The following RELN variants were observed in gnomAD, a reference collection of about 807,000 sequenced individuals.
The protein encoded by RELN is reelin.
Under a neutral mutation model 427.6 loss-of-function variants are expected in RELN, and 108 were observed. The observed-to-expected ratio is 0.25, with a 90% CI of 0.22 to 0.30. The LOEUF is 0.30. Among genes scored for constraint, RELN ranks in the 10% least tolerant of loss-of-function variants. RELN has a pLI of 1.00. For missense variants in RELN, 3,715 were observed against 4,302.8 expected, an observed-to-expected ratio of 0.86 and a Z score of 3.82; for synonymous variants, 1,524 against 1,513.4, an observed-to-expected ratio of 1.01 and a Z score of -0.16.
rs1554434458 is a variant in RELN, at chr7:103,872,030, A to ATTTT, written c.338-38362_338-38359dup. On this transcript the variant is annotated intron_variant, in intron 2 of 64. Coordinates refer to ENST00000428762, the MANE Select transcript of RELN (RefSeq NM_005045.4). ...AGTATATGAATATATATATATATAT[A>ATTTT]TTTTTCTTTTTTCTTTTTTTTCTTT... is the stretch of plus-strand genomic sequence containing the variant. 3.5e-3 allele frequency among the ~76,000 whole-genome samples: 490 copies of ATTTT among 138,446 alleles called. 2 individuals are homozygous for ATTTT. The highest frequency in any genetic ancestry group is 0.011 in the African/African-American group (431 of 37,624). The allele number at this position is 138,446 out of a possible 152,430, so 90.8% of individuals were successfully genotyped here.
intron 1 of RELN, among the ~76,000 whole-genome samples, chr7:103,934,259 T>A (rs893172352): frequency 6.6e-6 from 1 of 152,202 alleles, no homozygotes; most frequent in African/African-American, 2.4e-5. Flanking sequence ...GTGTCCTCTG[T>A]AAAATCTCTT....
At chr7:103,497,727 G>A in intron 55 of RELN, 93 bp downstream of exon 55, 2 of 1,010,346 alleles carry the variant, frequency 2.0e-6, no homozygotes, top group Non-Finnish European at 3.1e-6. Context: ...TTCAAACTGT[G>A]AAGTCAGCAA....
chr7:103,776,285 C>T (rs1791740559), intron 4 of RELN, among the ~76,000 whole-genome samples: 1 of 152,114 alleles, frequency 6.6e-6, no homozygotes, highest in African/African-American at 2.4e-5. Context: ...AAAATTACTA[C>T]TAAGATTTGT....
In RELN at chr7:103,948,801, C is replaced by T. The variant is rs190452160; in HGVS notation, c.227-31616G>A. On this transcript the variant is annotated intron_variant, in intron 1 of 64. Coordinates refer to ENST00000428762, the MANE Select transcript of RELN (RefSeq NM_005045.4). Reference sequence around the variant, plus strand: ...GGCCTGGGTGGGCAGATCACTTAAGCCCAGGAATTTGAGACCAGCCTGGGC... The same window carrying T: ...GGCCTGGGTGGGCAGATCACTTAAGTCCAGGAATTTGAGACCAGCCTGGGC... Among the ~76,000 whole-genome samples, 494 of 151,904 alleles carry T rather than the reference C, an allele frequency of 3.3e-3. 4 individuals carry two copies. The highest frequency in any genetic ancestry group is 6.0e-3 in the Non-Finnish European group (410 of 67,960).
chr7:103,944,501 G>C (rs370309725), intron 1 of RELN, among the ~76,000 whole-genome samples: 4 of 152,186 alleles, frequency 2.6e-5, no homozygotes, highest in Admixed American at 2.0e-4. Context: ...ATTGGATTAC[G>C]TCAGGACCAT....
At chr7:103,642,397 G>A (rs1832713025) in intron 16 of RELN, among the ~76,000 whole-genome samples, 1 of 132,490 alleles carries the variant, frequency 7.5e-6, no homozygotes. Context: ...CTCTTGGGAA[G>A]GAGTATGTGT....
chr7:103,582,646 G>A (rs916071119), intron 28 of RELN, among the ~76,000 whole-genome samples: 1 of 152,088 alleles, frequency 6.6e-6, no homozygotes, highest in South Asian at 2.1e-4. Flanking sequence ...ATTTTTTGAG[G>A]TATGCACATC....
At position 103,515,531 on chromosome 7, in the gene RELN, T is replaced by C. The variant is rs1037858032; in HGVS notation, c.7863-90A>G. On this transcript the variant is annotated intron_variant, in intron 49 of 64. Coordinates refer to ENST00000428762, the MANE Select transcript of RELN (RefSeq NM_005045.4). ...AGATTTACAACCAGCCATAAGATAA[T>C]GTATGTCACATGGTGGGTGAGGGAA... 2.7e-6 allele frequency: 4 copies of C among 1,504,758 alleles called. No individual in the cohort carries two copies. In the African/African-American group the frequency reaches 4.1e-5, roughly 16 times the overall value. 93.2% of individuals were successfully genotyped at this position (1,504,758 alleles called of 1,614,324 possible).
chr7:103,497,125 T>C (rs1828866112), intron 55 of RELN, among the ~76,000 whole-genome samples: 1 of 152,250 alleles, frequency 6.6e-6, no homozygotes, highest in African/African-American at 2.4e-5. Context: ...AAATAGTTAT[T>C]GTAATTTTAT....
At chr7:103,678,245 A>C (rs1041369946) in intron 11 of RELN, among the ~76,000 whole-genome samples, 3 of 152,168 alleles carry the variant, frequency 2.0e-5, no homozygotes, top group East Asian at 1.9e-4. Flanking sequence ...ATATTATAGC[A>C]ATGTTCTACA....
At chr7:103,659,829 CTG>C (rs1027265434) in intron 12 of RELN, among the ~76,000 whole-genome samples, 3 of 152,100 alleles carry the variant, frequency 2.0e-5, no homozygotes, top group African/African-American at 7.2e-5. Context: ...ACCAGCAACT[CTG>C]TGATTTAGGT....
chr7:103,562,291 C>G (rs1273237232), intron 34 of RELN, among the ~76,000 whole-genome samples: 1 of 152,056 alleles, frequency 6.6e-6, no homozygotes, highest in Non-Finnish European at 1.5e-5. Flanking sequence ...TGCTTTCAGA[C>G]TCTTATTGCT....
intron 4 of RELN, among the ~76,000 whole-genome samples, chr7:103,764,261 T>C (rs1791373805): frequency 6.6e-6 from 1 of 152,172 alleles, no homozygotes; most frequent in Non-Finnish European, 1.5e-5. Context: ...TGATGTTCCT[T>C]CTGGGCACAA....
intron 51 of RELN, among the ~76,000 whole-genome samples, chr7:103,504,723 G>T (rs993238557): frequency 8.5e-5 from 13 of 152,188 alleles, no homozygotes; most frequent in African/African-American, 3.1e-4. Flanking sequence ...CCCAGATACT[G>T]CGCTTTTCCC....
At chr7:103,643,077 T>C (rs1584370432) in intron 16 of RELN, among the ~76,000 whole-genome samples, 1 of 152,252 alleles carries the variant, frequency 6.6e-6, no homozygotes, top group East Asian at 1.9e-4. Context: ...CAAATTATCT[T>C]GTCTAAAGTT....
At position 103,539,015 on chromosome 7, in the gene RELN, A is replaced by G; in HGVS notation, c.7180+63T>C. The G allele has an allele frequency of 2.5e-6, 4 of 1,592,656 alleles. No homozygotes were observed. In the East Asian group the frequency reaches 8.9e-5, roughly 36 times the overall value. On this transcript the variant is annotated intron_variant, in intron 45 of 64. Transcript: ENST00000428762. Reference sequence around the variant, plus strand: ...CAGAGAGGCAGAGTAGTCCTATGACAGAGGCAGCCACAGAAGCTCATGCCC... The same window carrying G: ...CAGAGAGGCAGAGTAGTCCTATGACGGAGGCAGCCACAGAAGCTCATGCCC...
intron 3 of RELN, among the ~76,000 whole-genome samples, chr7:103,785,799 G>A (rs1488637510): frequency 6.6e-6 from 1 of 152,022 alleles, no homozygotes; most frequent in Non-Finnish European, 1.5e-5. Flanking sequence ...GAAAATATAA[G>A]GAATTATGAT....
intron 12 of RELN, among the ~76,000 whole-genome samples, chr7:103,656,345 G>C (rs1416212488): frequency 6.6e-6 from 1 of 152,074 alleles, no homozygotes; most frequent in Non-Finnish European, 1.5e-5. Context: ...CCAGGAAGTT[G>C]GCTTGATGGC....
At chr7:103,483,036 T>A in intron 62 of RELN, 65 bp from the exon 63 acceptor site, 12 of 1,230,198 alleles carry the variant, frequency 9.8e-6, no homozygotes, top group East Asian at 2.3e-5. Context: ...GGTATTTGAC[T>A]TCTAGATGTC....
Sources: allele counts gnomAD v4.1 joint callset (sites outside exome capture counted in the v4.1 genomes callset), GRCh38; gene constraint gnomAD v4.1.1; transcripts MANE v1.5; gene names NCBI Gene and HGNC (gene_info 2026-07-23, HGNC 2026-07-21).